The following MRC1 variants were observed in gnomAD, a reference collection of about 807,000 sequenced individuals.
MRC1 encodes mannose receptor C-type 1.
A neutral mutation model predicts 102.9 loss-of-function variants in MRC1; 62 were observed. The observed-to-expected ratio is 0.60, with a 90% confidence interval of 0.49 to 0.74. The LOEUF is 0.74. MRC1 is among the 30% of genes least tolerant of loss of function. The pLI, the probability that MRC1 is intolerant of heterozygous loss-of-function variation, is 0.00. For missense variants in MRC1, 1,237 were observed against 862.8 expected, an observed-to-expected ratio of 1.43 and a Z score of -5.43; for synonymous variants, 457 against 298.4, an observed-to-expected ratio of 1.53 and a Z score of -5.48.
intron 28 of MRC1, 82 bp downstream of exon 28, chr10:17,907,780 A>T: frequency 1.3e-6 from 1 of 761,290 alleles, no homozygotes; most frequent in Non-Finnish European, 2.4e-6. Context: ...TGGAATCATA[A>T]TGTGATTACG....
chr10:17,852,876 T>C (rs1330696245), intron 7 of MRC1, 91 bp from the exon 8 acceptor site: 2 of 778,014 alleles, frequency 2.6e-6, no homozygotes, highest in Non-Finnish European at 4.8e-6. Flanking sequence ...TAGAGCCCTG[T>C]TGATAAAGCA....
At chr10:17,870,209 A>G (rs1833335226) in intron 12 of MRC1, 37 bp from the exon 13 acceptor site, 2 of 765,106 alleles carry the variant, frequency 2.6e-6, no homozygotes, top group Non-Finnish European at 4.8e-6. Flanking sequence ...ATAAACTACA[A>G]AGCATAAAAT....
intron 7 of MRC1, among the ~76,000 whole-genome samples, chr10:17,850,951 C>T (rs2130644145): frequency 6.6e-6 from 1 of 152,304 alleles, no homozygotes; most frequent in South Asian, 2.1e-4. Flanking sequence ...AGCCTATGAA[C>T]AATTTCTTGG....
rs1049925715 is a variant in MRC1 at position 17,907,088 on chromosome 10, A to G, written c.3913+89A>G. On this transcript the variant is annotated intron_variant, in intron 27 of 29. Transcript: ENST00000569591. Reference sequence around the variant, plus strand: ...TTCGTTTCCAAAATGTGTTGCCTTAAAAATGATTAATTCATGAGGAATTTG... The same window carrying G: ...TTCGTTTCCAAAATGTGTTGCCTTAGAAATGATTAATTCATGAGGAATTTG... 76 of 741,634 alleles carry G rather than the reference A, an allele frequency of 1.0e-4. No individual in the cohort carries two copies. The African/African-American group carries it at 1.1e-3, about 11-fold the overall frequency. The allele number at this position is 741,634 out of a possible 1,614,324, so 45.9% of individuals were successfully genotyped here. A position where few individuals can be genotyped will look rare whatever the true frequency, so the allele number is the denominator to read the frequency against.
chr10:17,908,795 C>A (rs973906840), intron 28 of MRC1, among the ~76,000 whole-genome samples: 1 of 152,146 alleles, frequency 6.6e-6, no homozygotes, highest in Non-Finnish European at 1.5e-5. Context: ...TCTCGAACTC[C>A]GGACCTCAGG....
rs1838423838 is a variant in MRC1 at position 17,823,298 on chromosome 10, G to A, written c.286G>A (p.Glu96Lys). 1 of 780,790 alleles carries A rather than the reference G, an allele frequency of 1.3e-6. No individual in the cohort carries two copies. The highest frequency in any genetic ancestry group is 2.4e-6 in the Non-Finnish European group (1 of 417,920). 48.4% of individuals were successfully genotyped at this position (780,790 alleles called of 1,614,324 possible). ...ITLYACDSKSEFQKWECKNDT... is the reference protein window; with the variant it reads ...ITLYACDSKSKFQKWECKNDT... The stretch of plus-strand genomic sequence containing the variant: ...TCTCTATGCCTGTGACTCAAAAAGT[G>A]AATTTCAGAAATGGGAGTGCAAAAA... Residue 96 changes from glutamate to lysine, a missense_variant, in exon 2 of 30, where the codon GAA becomes AAA. Coordinates refer to ENST00000569591, the MANE Select transcript of MRC1 (RefSeq NM_002438.4).
intron 1 of MRC1, among the ~76,000 whole-genome samples, chr10:17,811,988 G>A (rs926240466): frequency 3.3e-5 from 5 of 152,116 alleles, no homozygotes; most frequent in South Asian, 2.1e-4. Flanking sequence ...TAAACTATGC[G>A]AAGCCCCAAC....
intron 5 of MRC1, among the ~76,000 whole-genome samples, chr10:17,841,980 T>A (rs897818013): frequency 4.6e-5 from 7 of 152,216 alleles, no homozygotes; most frequent in Non-Finnish European, 8.8e-5. Context: ...TTTTTGTTTT[T>A]GAGACAGGGT....
chr10:17,840,905 A>T, intron 5 of MRC1, 99 bp downstream of exon 5: 2 of 774,652 alleles, frequency 2.6e-6, no homozygotes, highest in Non-Finnish European at 4.8e-6. Context: ...AAAGAGAAGA[A>T]TTGGGAGACT....
chr10:17,898,167 C>T lies in MRC1; in HGVS notation c.3384C>T (p.Ser1128=). 2.6e-6 allele frequency: 2 copies of T among 780,848 alleles called. No homozygotes were observed. Among genetic ancestry groups the T allele is most frequent in the South Asian group, 2.7e-5 (2 of 74,614 alleles). The allele number at this position is 780,848 out of a possible 1,614,324, so 48.4% of individuals were successfully genotyped here. A position where few individuals can be genotyped will look rare whatever the true frequency, so the allele number is the denominator to read the frequency against. Residue 1128 remains serine, a synonymous_variant, in exon 24 of 30, where the codon TCC becomes TCT. Transcript: ENST00000569591. ...EAETYCKLHN[S]LIASILDPYS... is the part of the protein sequence containing the mutation. ...AGACATACTGCAAGCTTCACAATTC[C>T]CTTATAGCCAGCATTCTGGATCCCT...
At position 17,849,865 on chromosome 10, in the gene MRC1, A is replaced by G. The variant is rs1183923175; in HGVS notation, c.1249+101A>G. 4.1e-5 allele frequency: 26 copies of G among 627,298 alleles called. 1 individual carries two copies. Among genetic ancestry groups the G allele is most frequent in the South Asian group, 2.9e-4 (13 of 44,392 alleles). 38.9% of individuals were successfully genotyped at this position (627,298 alleles called of 1,614,324 possible). ...CTATCATAAACATCAAATTTAATCAATGTAAATCAATAATTCAACGAACAA... is the reference window on the plus strand; with the variant it reads ...CTATCATAAACATCAAATTTAATCAGTGTAAATCAATAATTCAACGAACAA... On this transcript the variant is annotated intron_variant, in intron 7 of 29. Transcript: ENST00000569591.
chr10:17,827,400 A>ATCCCTCTGTGGGTGC, intron 2 of MRC1, 142 bp from the exon 3 acceptor site: 1 of 308,816 alleles, frequency 3.2e-6, no homozygotes. Context: ...AAAAAAAAAA[A>ATCCCTCTGTGGGTGC]AAAAAAAAAA....
chr10:17,875,158 G>A lies in MRC1; in HGVS notation c.2455G>A (p.Glu819Lys). 1 of 780,870 alleles carries A rather than the reference G, an allele frequency of 1.3e-6. No homozygotes were observed. The highest frequency in any genetic ancestry group is 2.4e-6 in the Non-Finnish European group (1 of 417,948). The allele number at this position is 780,870 out of a possible 1,614,324, so 48.4% of individuals were successfully genotyped here. The change falls in exon 17 of 30, where the codon GAA (glutamate) becomes AAA (lysine). Residue 819 changes from glutamate (E) to lysine (K), a missense_variant. Glu to Lys is a moderately conservative substitution (Grantham distance 56). Coordinates refer to ENST00000569591, the MANE Select transcript of MRC1 (RefSeq NM_002438.4). The stretch of plus-strand genomic sequence containing the variant: ...CCAGTATTATTTCAGCAAAGAGAAG[G>A]AAACCATGGACAATGCGCGAGCGTT... ...DYQYYFSKEK[E>K]TMDNARAFCK...
chr10:17,819,888 T>A (rs1838370188), intron 1 of MRC1, among the ~76,000 whole-genome samples: 1 of 152,176 alleles, frequency 6.6e-6, no homozygotes, highest in African/African-American at 2.4e-5. Context: ...AAGGCTGCAG[T>A]GAGCTGTGAT....
intron 22 of MRC1, among the ~76,000 whole-genome samples, chr10:17,893,518 A>C (rs1426470755): frequency 2.6e-5 from 4 of 152,134 alleles, no homozygotes; most frequent in Admixed American, 2.6e-4. Flanking sequence ...AGTACATTGA[A>C]ATGGGGCAGG....
chr10:17,823,342 C>G lies in MRC1; in HGVS notation c.330C>G (p.Ile110Met), dbSNP rs782453552. 9.0e-6 allele frequency: 7 copies of G among 780,748 alleles called. No homozygotes were observed. The highest frequency in any genetic ancestry group is 1.2e-5 in the Non-Finnish European group (5 of 417,950). 48.4% of individuals were successfully genotyped at this position (780,748 alleles called of 1,614,324 possible). Reference protein sequence around the residue: ...WECKNDTLLGIKGEDLFFNYG... With the variant: ...WECKNDTLLGMKGEDLFFNYG... ...GCAAAAATGACACACTTTTGGGGAT[C>G]AAAGGAGAAGATTTATTTTTTAACT... is the stretch of plus-strand genomic sequence containing the variant. Residue 110 changes from isoleucine (I) to methionine (M), a missense_variant, in exon 2 of 30, where the codon ATC becomes ATG. Transcript: ENST00000569591.
intron 8 of MRC1, chr10:17,854,881 G>A: frequency 6.5e-6 from 1 of 154,700 alleles, no homozygotes; most frequent in South Asian, 1.8e-4. Context: ...AGTAGAGACA[G>A]GGTTTCACCA....
chr10:17,900,367 A>C (rs2130717081), intron 24 of MRC1, among the ~76,000 whole-genome samples: 1 of 152,208 alleles, frequency 6.6e-6, no homozygotes, highest in South Asian at 2.1e-4. Flanking sequence ...TGAAGAGATG[A>C]GCATTTCTCT....
At chr10:17,884,067 A>G (rs1354057057) in intron 21 of MRC1, among the ~76,000 whole-genome samples, 1 of 152,220 alleles carries the variant, frequency 6.6e-6, no homozygotes, top group Non-Finnish European at 1.5e-5. Flanking sequence ...CCTGGGCTCA[A>G]GTAATCCTCC....
Sources: gnomAD v4.1 joint callset for allele counts (sites outside exome capture counted in the v4.1 genomes callset) on GRCh38, gnomAD v4.1.1 for gene constraint, MANE v1.5 for transcripts, NCBI Gene and HGNC (gene_info 2026-07-23, HGNC 2026-07-21) for gene names.